PARP12: variants seen among roughly 807,000 people sequenced by gnomAD.
PARP12 encodes the protein protein mono-ADP-ribosyltransferase PARP12.
PARP12 carries 59 observed loss-of-function variants against 72.4 expected under a neutral mutation model. That is an observed-to-expected ratio of 0.81 (90% CI 0.66 to 1.01). The LOEUF (loss-of-function observed/expected upper bound fraction) is 1.01. Among genes scored for constraint, PARP12 ranks in the 50% least tolerant of loss-of-function variants. The pLI, the probability that PARP12 is intolerant of heterozygous loss-of-function variation, is 0.00. For missense variants in PARP12, 851 were observed against 914.0 expected, an observed-to-expected ratio of 0.93 and a Z score of 0.89; for synonymous variants, 403 against 371.4, an observed-to-expected ratio of 1.09 and a Z score of -0.98.
At chr7:140,033,214 A>G (rs1816016409) in intron 8 of PARP12, 4 of 985,454 alleles carry the variant, frequency 4.1e-6, no homozygotes, top group Non-Finnish European at 4.8e-6. Flanking sequence ...TTTAATTTAA[A>G]AAGGAAAAAG....
At chr7:140,055,179 T>A (rs62491362) in intron 3 of PARP12, among the ~76,000 whole-genome samples, 12,197 of 152,270 alleles carry the variant, frequency 0.08, 535 homozygotes, top group Non-Finnish European at 0.1. Flanking sequence ...CATCTTACAA[T>A]TCCTTCTATG....
At chr7:140,054,490 T>C (rs1318304188) in intron 4 of PARP12, among the ~76,000 whole-genome samples, 172 bp downstream of exon 4, 1 of 152,232 alleles carries the variant, frequency 6.6e-6, no homozygotes, top group African/African-American at 2.4e-5. Context: ...ATTGCTACCA[T>C]CTTCAACTCC....
chr7:140,036,843 A>C (rs1045194303), intron 7 of PARP12, among the ~76,000 whole-genome samples: 1 of 152,090 alleles, frequency 6.6e-6, no homozygotes, highest in Admixed American at 6.6e-5. Flanking sequence ...AAATTCTCAC[A>C]CATCAGCCAC....
chr7:140,061,859 C>T (rs1275772726), intron 1 of PARP12, among the ~76,000 whole-genome samples: 1 of 151,394 alleles, frequency 6.6e-6, no homozygotes, highest in East Asian at 1.9e-4. Context: ...AGGAAAAATC[C>T]TCAAATGGGA....
At chr7:140,037,280 C>T (rs1011190815) in intron 7 of PARP12, among the ~76,000 whole-genome samples, 3 of 152,186 alleles carry the variant, frequency 2.0e-5, no homozygotes, top group South Asian at 2.1e-4. Context: ...GCCAAGATCA[C>T]GCCATTGCAC....
At chr7:140,032,598 A>G (rs1270923126) in intron 8 of PARP12, among the ~76,000 whole-genome samples, 1 of 152,218 alleles carries the variant, frequency 6.6e-6, no homozygotes, top group Non-Finnish European at 1.5e-5. Context: ...TAAGTAAACT[A>G]TGGTACATAC....
At chr7:140,060,554 A>T (rs755567914) in intron 1 of PARP12, among the ~76,000 whole-genome samples, 4 of 152,244 alleles carry the variant, frequency 2.6e-5, no homozygotes, top group Admixed American at 1.3e-4. Flanking sequence ...CTGAGCCAGT[A>T]AATATCACAC....
At chr7:140,028,892 A>G in intron 8 of PARP12, 1 of 431,086 alleles carries the variant, frequency 2.3e-6, no homozygotes, top group South Asian at 2.1e-5. Context: ...CCAAACTCCA[A>G]ACAGTCCTGA....
At position 140,054,661 on chromosome 7, in the gene PARP12, C is replaced by T; in HGVS notation, c.862+1G>A. 2.5e-6 allele frequency: 4 copies of T among 1,608,374 alleles called. No individual in the cohort carries two copies. The highest frequency in any genetic ancestry group is 3.4e-6 in the Non-Finnish European group (4 of 1,174,714). On this transcript the variant is annotated splice_donor_variant, in intron 4 of 11. Transcript: ENST00000263549. LOFTEE classifies it high-confidence loss of function. ...GAATGAAGGAGCCTCTTCCAACTTA[C>T]CTTGAAAGCTACAACTTTTCCGGAT...
At chr7:140,060,451 T>A (rs188634816) in intron 1 of PARP12, among the ~76,000 whole-genome samples, 2 of 152,254 alleles carry the variant, frequency 1.3e-5, no homozygotes, top group East Asian at 3.9e-4. Flanking sequence ...CCACTCTCCC[T>A]AAAGTGAGTC....
intron 1 of PARP12, among the ~76,000 whole-genome samples, chr7:140,059,868 G>A (rs769457050): frequency 1.3e-5 from 2 of 152,172 alleles, no homozygotes; most frequent in Non-Finnish European, 1.5e-5. Context: ...AGAGAACTGG[G>A]GAAGAAATCA....
At chr7:140,040,181 C>T (rs1234028878) in intron 6 of PARP12, among the ~76,000 whole-genome samples, 2 of 152,196 alleles carry the variant, frequency 1.3e-5, no homozygotes, top group African/African-American at 2.4e-5. Context: ...CCAGGAGAGC[C>T]GGGATTCCCG....
intron 3 of PARP12, among the ~76,000 whole-genome samples, chr7:140,055,143 G>A (rs1470177105): frequency 6.6e-6 from 1 of 152,226 alleles, no homozygotes; most frequent in Non-Finnish European, 1.5e-5. Flanking sequence ...GTAATAAGGG[G>A]AGAACCATTG....
chr7:140,060,576 G>C (rs897615948), intron 1 of PARP12, among the ~76,000 whole-genome samples: 10 of 152,216 alleles, frequency 6.6e-5, no homozygotes, highest in African/African-American at 2.4e-4. Flanking sequence ...ACAGATTTCC[G>C]AGACAAGTCA....
intron 4 of PARP12, among the ~76,000 whole-genome samples, chr7:140,052,437 T>C (rs1817002930): frequency 6.6e-6 from 1 of 152,220 alleles, no homozygotes; most frequent in Non-Finnish European, 1.5e-5. Context: ...ACTGATTTCT[T>C]TGGGACATTG....
At chr7:140,035,213 T>C (rs1303939695) in intron 7 of PARP12, among the ~76,000 whole-genome samples, 1 of 152,228 alleles carries the variant, frequency 6.6e-6, no homozygotes, top group African/African-American at 2.4e-5. Flanking sequence ...TCACTATTCC[T>C]GGAGGTCCAT....
Position 140,034,222 on chromosome 7 carries a change from CA to C in PARP12, c.1421+12del, listed in dbSNP as rs758967375. Reference sequence around the variant, plus strand: ...ATTACATCCTAAGTACCAAGCCCCCCACTGCAACCTACCAGGTTTGCATGGT... The same window carrying C: ...ATTACATCCTAAGTACCAAGCCCCCCCTGCAACCTACCAGGTTTGCATGGT... On this transcript the variant is annotated intron_variant, in intron 8 of 11. Transcript: ENST00000263549. The C allele has an allele frequency of 1.9e-6, 3 of 1,610,690 alleles. No homozygotes were observed. The highest frequency in any genetic ancestry group is 2.2e-5 in the South Asian group (2 of 90,598).
At chr7:140,037,240 C>T (rs1331645904) in intron 7 of PARP12, among the ~76,000 whole-genome samples, 1 of 152,232 alleles carries the variant, frequency 6.6e-6, no homozygotes, top group Non-Finnish European at 1.5e-5. Context: ...ACGAGAATCA[C>T]TTGAACCCGG....
At chr7:140,034,408 C>A (rs1816072143) in intron 7 of PARP12, 77 bp from the exon 8 acceptor site, 2 of 1,225,052 alleles carry the variant, frequency 1.6e-6, no homozygotes, top group South Asian at 1.3e-5. Flanking sequence ...TTTATAAACA[C>A]AAATTAGATA....
Sources: gnomAD v4.1 joint callset for allele counts (sites outside exome capture counted in the v4.1 genomes callset) on GRCh38, gnomAD v4.1.1 for gene constraint, MANE v1.5 for transcripts, NCBI Gene and HGNC (gene_info 2026-07-23, HGNC 2026-07-21) for gene names.